The following MAPKBP1 variants were observed in gnomAD, a reference collection of about 807,000 sequenced individuals.
MAPKBP1 encodes mitogen-activated protein kinase-binding protein 1.
A neutral mutation model predicts 170.5 loss-of-function variants in MAPKBP1; 71 were observed. The ratio of observed to expected loss-of-function variants is 0.42; its 90% CI spans 0.34 to 0.51. MAPKBP1 has a LOEUF of 0.51. MAPKBP1 is among the 20% of genes least tolerant of loss of function. The pLI, the probability that MAPKBP1 is intolerant of heterozygous loss-of-function variation, is 0.06. For synonymous variants in MAPKBP1, 719 were observed against 757.9 expected, an observed-to-expected ratio of 0.95 and a Z score of 0.84; for missense variants, 1,598 against 1,933.0, an observed-to-expected ratio of 0.83 and a Z score of 3.25.
At chr15:41,775,413 C>T (rs1364045043) in intron 2 of MAPKBP1, 24 bp downstream of exon 2, 2 of 1,529,144 alleles carry the variant, frequency 1.3e-6, no homozygotes, top group African/African-American at 2.7e-5. Context: ...GGATCCACCT[C>T]TTTCCAAACC....
At chr15:41,819,556 G>GGGGA in intron 21 of MAPKBP1, 39 bp from the exon 22 acceptor site, 1 of 1,347,676 alleles carries the variant, frequency 7.4e-7, no homozygotes, top group Non-Finnish European at 1.0e-6. Context: ...GCGGGGGGGG[G>GGGGA]GCAGGAGACA....
Position 41,817,931 on chromosome 15 carries a change from G to A in MAPKBP1, c.1905-78G>A. 1.3e-6 allele frequency: 2 copies of A among 1,547,474 alleles called. No homozygotes were observed. The highest frequency in any genetic ancestry group is 1.8e-6 in the Non-Finnish European group (2 of 1,120,682). Reference sequence around the variant, plus strand: ...CTCCCAGAGAGTGTAGACTGGGAGTGAAAGCTGGCATTTCCATCCCCCAGG... The same window carrying A: ...CTCCCAGAGAGTGTAGACTGGGAGTAAAAGCTGGCATTTCCATCCCCCAGG... On this transcript the variant is annotated intron_variant, in intron 16 of 30. Transcript: ENST00000457542. This position sits in a 1 kb window ranked among gnomAD's most constrained non-coding sequence, Gnocchi z 4.2.
At chr15:41,810,820 C>A in intron 3 of MAPKBP1, 63 bp from the exon 4 acceptor site, 1 of 1,460,062 alleles carries the variant, frequency 6.8e-7, no homozygotes, top group Non-Finnish European at 9.6e-7. Flanking sequence ...TCCTGGGTGG[C>A]CTGGAGGGCT....
At chr15:41,779,840 C>T (rs903169634) in intron 2 of MAPKBP1, among the ~76,000 whole-genome samples, 1 of 152,214 alleles carries the variant, frequency 6.6e-6, no homozygotes, top group Non-Finnish European at 1.5e-5. Context: ...AATTTTCTGT[C>T]TCTGAGGTCT....
chr15:41,786,777 A>AAAATATATAT, intron 2 of MAPKBP1, among the ~76,000 whole-genome samples: 575 of 32,174 alleles, frequency 0.018, 26 homozygotes, highest in Middle Eastern at 0.05. Context: ...AAAAAAAAAA[A>AAAATATATAT]ATATATATAT....
rs982949737 is a variant in MAPKBP1, at chr15:41,774,587, G to A, written c.-133G>A. 1 of 398,680 alleles carries A rather than the reference G, an allele frequency of 2.5e-6. No homozygotes were observed. The highest frequency in any genetic ancestry group is 4.4e-5 in the Admixed American group (1 of 22,726). The allele number at this position is 398,680 out of a possible 1,614,324, so 24.7% of individuals were successfully genotyped here. On this transcript the variant is annotated 5_prime_UTR_variant, in exon 1 of 31. Transcript: ENST00000457542. ...CGATGCCCGAGGGCGCTGTGAGCGGGGTGGCCTTAGCTCGCCGAGGCTGGT... is the reference window on the plus strand; with the variant it reads ...CGATGCCCGAGGGCGCTGTGAGCGGAGTGGCCTTAGCTCGCCGAGGCTGGT...
Position 41,823,859 on chromosome 15 carries a change from A to T in MAPKBP1, c.4011A>T (p.Arg1337Ser), listed in dbSNP as rs145778621. 8.0e-5 allele frequency: 129 copies of T among 1,614,108 alleles called. No homozygotes were observed. In the African/African-American group the frequency reaches 1.6e-3, roughly 20 times the overall value. ...GAAAAGCTCACAGTACAACTGAGAG[A>T]TGGGCCTGTTTGGGGGAGGGCACCA... ...GLGKAHSTTERWACLGEGTTP... is the reference protein window; with the variant it reads ...GLGKAHSTTESWACLGEGTTP... Residue 1337 changes from arginine to serine, a missense_variant, in exon 29 of 31, where the codon AGA (arginine) becomes AGT (serine). Transcript: ENST00000457542.
chr15:41,819,557 G>GGGGGGCCGGCCCCC, intron 21 of MAPKBP1, 38 bp from the exon 22 acceptor site: 1 of 1,384,686 alleles, frequency 7.2e-7, no homozygotes, highest in South Asian at 1.2e-5. Flanking sequence ...CGGGGGGGGG[G>GGGGGGCCGGCCCCC]CAGGAGACAC....
chr15:41,808,101 C>G (rs1596082955), intron 3 of MAPKBP1, among the ~76,000 whole-genome samples: 1 of 119,446 alleles, frequency 8.4e-6, no homozygotes, highest in Non-Finnish European at 1.7e-5. Flanking sequence ...TTCTTTCTTT[C>G]TTTCTTTTTT....
intron 20 of MAPKBP1, 41 bp from the exon 21 acceptor site, chr15:41,819,205 T>C (rs1394758666): frequency 6.2e-7 from 1 of 1,605,398 alleles, no homozygotes; most frequent in African/African-American, 1.3e-5. Flanking sequence ...CTCCCCCTAT[T>C]GAGTCTCCTC....
chr15:41,799,129 G>A (rs749757947), intron 2 of MAPKBP1, among the ~76,000 whole-genome samples: 6 of 152,110 alleles, frequency 3.9e-5, no homozygotes, highest in East Asian at 1.9e-4. Context: ...TCCCGTGGCC[G>A]TGTCCTCTCT....
At chr15:41,787,240 T>C (rs560072121) in intron 2 of MAPKBP1, among the ~76,000 whole-genome samples, 116 of 152,320 alleles carry the variant, frequency 7.6e-4, no homozygotes, top group Non-Finnish European at 1.5e-3. Context: ...TTACAACTAA[T>C]ACAGAAAAGC....
At chr15:41,777,063 C>A (rs898187162) in intron 2 of MAPKBP1, among the ~76,000 whole-genome samples, 1 of 152,026 alleles carries the variant, frequency 6.6e-6, no homozygotes, top group African/African-American at 2.4e-5. Context: ...GCTTCACAGG[C>A]CAGGCATGGT....
At position 41,825,337 on chromosome 15, in the gene MAPKBP1, C is replaced by T. The variant is rs1292511200; in HGVS notation, c.4428C>T (p.Ser1476=). ...AGAVLSSPGS[S]PGAVGAEQTQ... Reference sequence around the variant, plus strand: ...CAGTGCTGTCCAGCCCAGGCAGCAGCCCTGGGGCTGTGGGAGCCGAGCAGA... The same window carrying T: ...CAGTGCTGTCCAGCCCAGGCAGCAGTCCTGGGGCTGTGGGAGCCGAGCAGA... Residue 1476 remains serine (S), a synonymous_variant, in exon 31 of 31, where the codon AGC becomes AGT. Transcript: ENST00000457542. The T allele has an allele frequency of 1.9e-6, 3 of 1,613,226 alleles. No individual in the cohort carries two copies. The highest frequency in any genetic ancestry group is 1.3e-5 in the African/African-American group (1 of 74,948).
chr15:41,792,363 A>G (rs769676315), intron 2 of MAPKBP1, among the ~76,000 whole-genome samples: 5 of 151,828 alleles, frequency 3.3e-5, no homozygotes, highest in East Asian at 3.9e-4. Flanking sequence ...CTCACATTAT[A>G]CTTGTAGTAA....
rs748874028 is a variant in MAPKBP1 at position 41,812,966 on chromosome 15, G to T, written c.684G>T (p.Glu228Asp). 6.2e-7 allele frequency: 1 copy of T among 1,613,160 alleles called. No homozygotes were observed. Among genetic ancestry groups the T allele is most frequent in the South Asian group, 1.1e-5 (1 of 90,938 alleles). The change falls in exon 8 of 31, where the codon GAG becomes GAT. Residue 228 changes from glutamate (E) to aspartate (D), a missense_variant. Around this residue, in one of 6 missense-constraint regions of MAPKBP1, gnomAD observed 430 missense variants for 617.2 expected, o/e 0.70. Transcript: ENST00000457542. ...PLLGRSGLLG[E>D]LRNNLFTDVA... ...TGGGCCGCTCAGGGCTGCTGGGAGA[G>T]CTACGGAACAACCTATTCACTGATG...
At position 41,823,094 on chromosome 15, in the gene MAPKBP1, C is replaced by T. The variant is rs2065029097; in HGVS notation, c.3470C>T (p.Ala1157Val). The T allele has an allele frequency of 6.2e-7, 1 of 1,613,874 alleles. No homozygotes were observed. The highest frequency in any genetic ancestry group is 1.1e-5 in the South Asian group (1 of 91,088). The change falls in exon 28 of 31, where the codon GCA becomes GTA. Residue 1157 changes from alanine to valine, a missense_variant. Physicochemically the swap from Ala to Val is moderately conservative, Grantham distance 64. Coordinates refer to ENST00000457542, the MANE Select transcript of MAPKBP1 (RefSeq NM_014994.3). ...PSSGNPSPQQ[A>V]ASVLLPRCRL... ...TCTGGCAACCCCAGCCCCCAGCAGG[C>T]AGCCTCTGTGCTGTTGCCACGATGC...
intron 2 of MAPKBP1, among the ~76,000 whole-genome samples, chr15:41,791,919 G>C (rs920808681): frequency 6.6e-6 from 1 of 151,954 alleles, no homozygotes; most frequent in Non-Finnish European, 1.5e-5. Context: ...GCCAGGTGTG[G>C]TGGCGCATGC....
chr15:41,802,359 A>G (rs889877686), intron 3 of MAPKBP1, among the ~76,000 whole-genome samples: 1 of 152,228 alleles, frequency 6.6e-6, no homozygotes, highest in African/African-American at 2.4e-5. Context: ...ATAATAGATT[A>G]ACCTAACTTA....
Sources: gnomAD v4.1 joint callset for allele counts (sites outside exome capture counted in the v4.1 genomes callset) on GRCh38, gnomAD v4.1.1 for gene constraint, gnomAD v4.1.1 regional missense constraint, Gnocchi (gnomAD v3.1) non-coding constraint, MANE v1.5 for transcripts, NCBI Gene and HGNC (gene_info 2026-07-23, HGNC 2026-07-21) for gene names.